MAP4K5: variants seen among roughly 807,000 people sequenced by gnomAD.
MAP4K5 encodes the protein mitogen-activated protein kinase kinase kinase kinase 5.
MAP4K5 carries 82 observed loss-of-function variants against 135.6 expected under a neutral mutation model. That is an observed-to-expected ratio of 0.60 (90% CI 0.51 to 0.73). MAP4K5 has a LOEUF of 0.73. Ranked by LOEUF, MAP4K5 falls within the 30% of genes least tolerant of loss-of-function variation. The pLI is 0.00. For missense variants in MAP4K5, 907 were observed against 1,010.9 expected (o/e 0.90, Z 1.39); for synonymous variants, 347 against 335.0 (o/e 1.04, Z -0.39).
Position 50,560,365 on chromosome 14 carries a change from G to A in MAP4K5, c.-180+675C>T, listed in dbSNP as rs2038822069. Reference sequence around the variant, plus strand: ...TTCTGGCCCTCCACTTTCTGCTTCTGTGGAGACAGGGAGGGCCAAGGGCTG... The same window carrying A: ...TTCTGGCCCTCCACTTTCTGCTTCTATGGAGACAGGGAGGGCCAAGGGCTG... On this transcript the variant is annotated intron_variant, in intron 1 of 8. Transcript: ENST00000555216. The A allele has an allele frequency of 3.8e-6, 6 of 1,585,740 alleles. No individual in the cohort carries two copies. In the South Asian group the frequency reaches 6.8e-5, roughly 18 times the overall value.
At chr14:50,483,996 G>A (rs1298742874) in intron 5 of MAP4K5, among the ~76,000 whole-genome samples, 1 of 152,014 alleles carries the variant, frequency 6.6e-6, no homozygotes, top group Non-Finnish European at 1.5e-5. Flanking sequence ...AAGTAGCTGG[G>A]ATTACAGGTG....
chr14:50,536,436 CAAA>C (rs34686813), upstream of MAP4K5, among the ~76,000 whole-genome samples: 823 of 107,214 alleles, frequency 7.7e-3, 8 homozygotes, highest in African/African-American at 0.024. Context: ...AACTCTGTCT[CAAA>C]AAAAAAAAAA....
At chr14:50,465,110 T>A (rs982956194) in intron 11 of MAP4K5, among the ~76,000 whole-genome samples, 1 of 152,210 alleles carries the variant, frequency 6.6e-6, no homozygotes, top group Non-Finnish European at 1.5e-5. Context: ...ACGGTGTGAT[T>A]TGCCATTCTT....
chr14:50,541,188 C>A (rs1028228161), intron 2 of MAP4K5, among the ~76,000 whole-genome samples: 1 of 152,184 alleles, frequency 6.6e-6, no homozygotes, highest in African/African-American at 2.4e-5. Flanking sequence ...ATTGTACTAC[C>A]TCAGGGATAT....
chr14:50,440,979 G>A (rs1183211608), intron 21 of MAP4K5, among the ~76,000 whole-genome samples: 1 of 151,892 alleles, frequency 6.6e-6, no homozygotes, highest in East Asian at 1.9e-4. Flanking sequence ...AAAATGATGA[G>A]GACATTTCAA....
At chr14:50,554,971 G>A (rs1358461958) in intron 1 of MAP4K5, among the ~76,000 whole-genome samples, 1 of 152,200 alleles carries the variant, frequency 6.6e-6, no homozygotes, top group Non-Finnish European at 1.5e-5. Context: ...ATTTTCCAAT[G>A]TCTATTTCCC....
intron 11 of MAP4K5, among the ~76,000 whole-genome samples, chr14:50,465,990 C>G (rs2036824119): frequency 6.6e-6 from 1 of 152,190 alleles, no homozygotes; most frequent in African/African-American, 2.4e-5. Context: ...AGGAGAATCA[C>G]TCGAACCCAG....
intron 13 of MAP4K5, among the ~76,000 whole-genome samples, chr14:50,461,969 A>C (rs2036720750): frequency 6.6e-6 from 1 of 152,120 alleles, no homozygotes; most frequent in South Asian, 2.1e-4. Flanking sequence ...GTTTTCAGAG[A>C]AGGCAAGCAC....
chr14:50,556,768 C>G (rs1399729164), intron 1 of MAP4K5, among the ~76,000 whole-genome samples: 1 of 152,146 alleles, frequency 6.6e-6, no homozygotes, highest in East Asian at 1.9e-4. Context: ...TGGCTGGCTA[C>G]TTTCATTTAC....
At chr14:50,515,978 C>T (rs2038026165) in intron 2 of MAP4K5, among the ~76,000 whole-genome samples, 1 of 152,234 alleles carries the variant, frequency 6.6e-6, no homozygotes, top group Non-Finnish European at 1.5e-5. Context: ...TTCATTCCCA[C>T]ATCTTCCTAA....
intron 2 of MAP4K5, among the ~76,000 whole-genome samples, chr14:50,516,107 C>T (rs979023888): frequency 6.6e-6 from 1 of 152,222 alleles, no homozygotes; most frequent in Non-Finnish European, 1.5e-5. Context: ...ACAGCTTAAA[C>T]TTATAAGCCA....
In MAP4K5 at chr14:50,424,852, T is replaced by C. The variant is rs1303915071; in HGVS notation, c.2397+1055A>G. The stretch of plus-strand genomic sequence containing the variant: ...AATAGCATTTAAGAATAATTAACCA[T>C]ATGATAATAAGTAGGACTGTAGGTT... On this transcript the variant is annotated intron_variant, in intron 31 of 32. Coordinates refer to ENST00000682126, the MANE Select transcript of MAP4K5 (RefSeq NM_006575.6). 3.3e-5 allele frequency among the ~76,000 whole-genome samples: 5 copies of C among 152,018 alleles called. No individual in the cohort carries two copies. The East Asian group carries it at 9.7e-4, about 29-fold the overall frequency.
At chr14:50,502,359 G>A (rs1339598012) in intron 3 of MAP4K5, among the ~76,000 whole-genome samples, 2 of 152,166 alleles carry the variant, frequency 1.3e-5, no homozygotes, top group Non-Finnish European at 2.9e-5. Context: ...AGAAAAATAT[G>A]AATTCTGTAA....
chr14:50,493,108 C>G (rs1235131317), intron 3 of MAP4K5, among the ~76,000 whole-genome samples: 3 of 151,842 alleles, frequency 2.0e-5, no homozygotes, highest in Non-Finnish European at 2.9e-5. Flanking sequence ...TGTTAGCTTT[C>G]TGTTTGTTCA....
At chr14:50,493,932 G>A (rs2037539024) in intron 3 of MAP4K5, among the ~76,000 whole-genome samples, 1 of 151,076 alleles carries the variant, frequency 6.6e-6, no homozygotes, top group African/African-American at 2.4e-5. Context: ...AGGTTGCAGT[G>A]AGCTGAGATC....
intron 32 of MAP4K5, among the ~76,000 whole-genome samples, chr14:50,420,570 T>C (rs2035704259): frequency 6.6e-6 from 1 of 152,194 alleles, no homozygotes; most frequent in African/African-American, 2.4e-5. Flanking sequence ...AGTTTGAGGA[T>C]GCAGGAAACT....
rs181982351 is a variant in MAP4K5, at chr14:50,480,367, G to A, written c.378+1994C>T. Among the ~76,000 whole-genome samples, 864 of 148,090 alleles carry A rather than the reference G, an allele frequency of 5.8e-3. 3 individuals are homozygous for A. Among genetic ancestry groups the A allele is most frequent in the Non-Finnish European group, 9.7e-3 (654 of 67,134 alleles). ...AGTTATTACTGACTATAGTCACCCT[G>A]TTGTGTTATCAAATACTAGAACTTA... is the stretch of plus-strand genomic sequence containing the variant. On this transcript the variant is annotated intron_variant, in intron 6 of 32. Transcript: ENST00000682126.
At chr14:50,503,295 C>T (rs2037745042) in intron 3 of MAP4K5, among the ~76,000 whole-genome samples, 1 of 151,980 alleles carries the variant, frequency 6.6e-6, no homozygotes, top group South Asian at 2.1e-4. Flanking sequence ...ATCACATCAT[C>T]AATATTTACT....
intron 2 of MAP4K5, among the ~76,000 whole-genome samples, chr14:50,518,002 A>G (rs1461194592): frequency 6.6e-6 from 1 of 152,212 alleles, no homozygotes; most frequent in East Asian, 1.9e-4. Context: ...GGATAATATT[A>G]GTAGAGTAAC....
Sources: gnomAD v4.1 joint callset for allele counts (sites outside exome capture counted in the v4.1 genomes callset) on GRCh38, gnomAD v4.1.1 for gene constraint, MANE v1.5 for transcripts, NCBI Gene and HGNC (gene_info 2026-07-23, HGNC 2026-07-21) for gene names.